Variants in PTPRT observed in about 807,000 individuals in gnomAD.
PTPRT encodes protein tyrosine phosphatase receptor type T.
PTPRT carries 56 observed loss-of-function variants against 176.8 expected under a neutral mutation model. The ratio of observed to expected loss-of-function variants is 0.32; its 90% confidence interval spans 0.26 to 0.40. The LOEUF (loss-of-function observed/expected upper bound fraction) is 0.40. PTPRT is among the 10% of genes least tolerant of loss of function. The pLI is 1.00. For synonymous variants in PTPRT, 783 were observed against 739.0 expected (o/e 1.06, Z -0.96); for missense variants, 1,540 against 1,908.2 (o/e 0.81, Z 3.60).
chr20:43,006,733 T>C (rs1013465029), intron 1 of PTPRT, among the ~76,000 whole-genome samples: 1 of 152,214 alleles, frequency 6.6e-6, no homozygotes, highest in Non-Finnish European at 1.5e-5. Flanking sequence ...TAAATTACTA[T>C]TGGTCCTACA....
intron 14 of PTPRT, among the ~76,000 whole-genome samples, chr20:42,239,280 A>G (rs1384366445): frequency 1.3e-5 from 2 of 152,184 alleles, no homozygotes; most frequent in Non-Finnish European, 2.9e-5. Flanking sequence ...AGTTGCTCTA[A>G]AAGATAGGAA....
intron 2 of PTPRT, among the ~76,000 whole-genome samples, chr20:42,860,774 C>G (rs1568641684): frequency 6.6e-6 from 1 of 152,056 alleles, no homozygotes; most frequent in Non-Finnish European, 1.5e-5. Context: ...CATTATTTCT[C>G]TTGGGGTTTT....
chr20:42,344,509 C>T (rs773686099), intron 11 of PTPRT, among the ~76,000 whole-genome samples: 1 of 152,150 alleles, frequency 6.6e-6, no homozygotes, highest in Non-Finnish European at 1.5e-5. Context: ...CACAGTCTAG[C>T]AGAGGCTGAC....
At chr20:42,410,363 A>T (rs748926159) in intron 9 of PTPRT, among the ~76,000 whole-genome samples, 1 of 152,188 alleles carries the variant, frequency 6.6e-6, no homozygotes, top group Non-Finnish European at 1.5e-5. Context: ...GAAATATAAA[A>T]ATATGTACAA....
intron 1 of PTPRT, among the ~76,000 whole-genome samples, chr20:43,137,917 A>G (rs1315768635): frequency 1.3e-5 from 2 of 152,240 alleles, no homozygotes; most frequent in Non-Finnish European, 2.9e-5. Context: ...ACCAAGAGGT[A>G]TGGGACCCAT....
intron 17 of PTPRT, among the ~76,000 whole-genome samples, chr20:42,147,301 A>C (rs1396203661): frequency 6.6e-6 from 1 of 152,192 alleles, no homozygotes; most frequent in Non-Finnish European, 1.5e-5. Flanking sequence ...AGTGACCTTG[A>C]AAATTGCCTA....
intron 1 of PTPRT, among the ~76,000 whole-genome samples, chr20:42,951,130 G>T (rs962219595): frequency 1.3e-5 from 2 of 152,176 alleles, no homozygotes; most frequent in Non-Finnish European, 1.5e-5. Context: ...ATGGAGGGAT[G>T]CATGGATGGG....
intron 4 of PTPRT, among the ~76,000 whole-genome samples, chr20:42,775,137 C>A (rs1050361492): frequency 4.6e-5 from 7 of 152,204 alleles, no homozygotes; most frequent in Non-Finnish European, 1.0e-4. Context: ...CAATTCCCCC[C>A]AGATGGGATG....
At chr20:42,533,056 A>G (rs1401201610) in intron 7 of PTPRT, among the ~76,000 whole-genome samples, 1 of 152,162 alleles carries the variant, frequency 6.6e-6, no homozygotes, top group African/African-American at 2.4e-5. Flanking sequence ...TCGATTCTAA[A>G]TGATCCTAAA....
intron 2 of PTPRT, among the ~76,000 whole-genome samples, chr20:42,818,801 G>C (rs981379091): frequency 2.6e-5 from 4 of 152,130 alleles, no homozygotes; most frequent in Non-Finnish European, 5.9e-5. Context: ...AAGGATATCA[G>C]AGTTTGAAGA....
At chr20:42,083,053 C>T (rs1232484734) in intron 29 of PTPRT, among the ~76,000 whole-genome samples, 5 of 141,940 alleles carry the variant, frequency 3.5e-5, no homozygotes, top group African/African-American at 1.4e-4. Context: ...TGCCCCTGTA[C>T]CTTCCTTTGG....
At chr20:42,710,155 G>C (rs1417402083) in intron 6 of PTPRT, among the ~76,000 whole-genome samples, 1 of 152,150 alleles carries the variant, frequency 6.6e-6, no homozygotes, top group Non-Finnish European at 1.5e-5. Context: ...TGGCCATATG[G>C]GAGAGAAAGA....
At chr20:42,682,112 G>T (rs1600599915) in intron 6 of PTPRT, among the ~76,000 whole-genome samples, 1 of 152,076 alleles carries the variant, frequency 6.6e-6, no homozygotes, top group Admixed American at 6.5e-5. Flanking sequence ...TTAAATAACA[G>T]AAATCAAAAT....
intron 1 of PTPRT, among the ~76,000 whole-genome samples, chr20:43,140,555 T>G (rs939005247): frequency 6.6e-6 from 1 of 151,844 alleles, no homozygotes; most frequent in Non-Finnish European, 1.5e-5. Flanking sequence ...AAAGTGGTTT[T>G]GGGTTTTTTT....
chr20:42,143,373 G>C (rs556148130), intron 17 of PTPRT, among the ~76,000 whole-genome samples: 1 of 151,972 alleles, frequency 6.6e-6, no homozygotes, highest in East Asian at 1.9e-4. Context: ...GGCTTAACAC[G>C]GTGAAACCCA....
intron 1 of PTPRT, among the ~76,000 whole-genome samples, chr20:42,933,339 A>G (rs1422233122): frequency 2.0e-5 from 3 of 152,180 alleles, no homozygotes; most frequent in African/African-American, 7.2e-5. Context: ...AATAGGATCA[A>G]TTTGGTCTCC....
intron 3 of PTPRT, among the ~76,000 whole-genome samples, chr20:42,782,419 G>T (rs1244155044): frequency 6.6e-6 from 1 of 152,106 alleles, no homozygotes; most frequent in Non-Finnish European, 1.5e-5. Flanking sequence ...CCACATCAAT[G>T]ACGTGAATCC....
intron 15 of PTPRT, among the ~76,000 whole-genome samples, chr20:42,202,126 C>T (rs1568666942): frequency 6.6e-6 from 1 of 152,096 alleles, no homozygotes; most frequent in East Asian, 1.9e-4. Flanking sequence ...TCTGCCACCG[C>T]ATCCAGCTAA....
chr20:42,937,146 T>C (rs1394550519), intron 1 of PTPRT, among the ~76,000 whole-genome samples: 1 of 152,242 alleles, frequency 6.6e-6, no homozygotes, highest in Non-Finnish European at 1.5e-5. Context: ...TCTTGCTATA[T>C]AGGCACATCA....
Sources: allele counts gnomAD v4.1 joint callset (sites outside exome capture counted in the v4.1 genomes callset), GRCh38; gene constraint gnomAD v4.1.1; transcripts MANE v1.5; gene names NCBI Gene and HGNC (gene_info 2026-07-23, HGNC 2026-07-21).